The following EHBP1 variants were observed in gnomAD, a reference collection of about 807,000 sequenced individuals.
The protein encoded by EHBP1 is EH domain binding protein 1, also known as EH domain-binding protein 1.
In EHBP1, 55 loss-of-function variants were observed where a neutral mutation model predicts 144.0. That is an observed-to-expected ratio of 0.38 (90% CI 0.31 to 0.48). The LOEUF (loss-of-function observed/expected upper bound fraction) is 0.48, where lower values mean the gene tolerates loss of function less well. Ranked by LOEUF, EHBP1 falls within the 20% of genes least tolerant of loss-of-function variation. The pLI, the probability that EHBP1 is intolerant of heterozygous loss-of-function variation, is 0.98. For synonymous variants in EHBP1, 469 were observed against 472.7 expected, an observed-to-expected ratio of 0.99 and a Z score of 0.10; for missense variants, 1,200 against 1,364.2, an observed-to-expected ratio of 0.88 and a Z score of 1.90.
At chr2:63,019,460 C>G (rs988531883) in intron 19 of EHBP1, among the ~76,000 whole-genome samples, 2 of 152,156 alleles carry the variant, frequency 1.3e-5, no homozygotes, top group South Asian at 4.1e-4. Context: ...TCTGTAATCC[C>G]AGCACTGGGA....
intron 7 of EHBP1, among the ~76,000 whole-genome samples, chr2:62,840,121 G>A (rs367699228): frequency 7.3e-5 from 11 of 150,504 alleles, no homozygotes; most frequent in Non-Finnish European, 1.2e-4. Flanking sequence ...AAACAGCATG[G>A]TACTGGTACC....
chr2:62,724,968 A>G (rs962734031), intron 2 of EHBP1, among the ~76,000 whole-genome samples: 2 of 152,194 alleles, frequency 1.3e-5, no homozygotes, highest in African/African-American at 4.8e-5. Context: ...CTGGTGCCAT[A>G]AAGATTGGGG....
intron 19 of EHBP1, among the ~76,000 whole-genome samples, chr2:63,016,012 A>T (rs752510741): frequency 6.9e-4 from 105 of 152,174 alleles, no homozygotes; most frequent in Non-Finnish European, 1.4e-3. Context: ...AGCAAATAAA[A>T]TGATTACTAA....
At chr2:62,898,917 T>C (rs1207756918) in intron 10 of EHBP1, among the ~76,000 whole-genome samples, 3 of 152,192 alleles carry the variant, frequency 2.0e-5, no homozygotes, top group African/African-American at 7.2e-5. Flanking sequence ...TAGCTTCTAC[T>C]TCCATTGTTT....
intron 19 of EHBP1, among the ~76,000 whole-genome samples, chr2:63,033,489 T>A (rs2061341337): frequency 6.6e-6 from 1 of 152,180 alleles, no homozygotes; most frequent in Non-Finnish European, 1.5e-5. Flanking sequence ...TCTTTCCCAT[T>A]GAATTCGTCT....
intron 7 of EHBP1, among the ~76,000 whole-genome samples, chr2:62,857,154 C>T (rs2049126449): frequency 6.6e-6 from 1 of 152,194 alleles, no homozygotes; most frequent in Admixed American, 6.5e-5. Context: ...AGCAAGTCTT[C>T]TGATCCCCAC....
intron 19 of EHBP1, among the ~76,000 whole-genome samples, chr2:63,014,332 C>A (rs971216249): frequency 6.6e-6 from 1 of 152,116 alleles, no homozygotes; most frequent in South Asian, 2.1e-4. Context: ...TTCCATGTAG[C>A]CTTGATGCTA....
intron 10 of EHBP1, among the ~76,000 whole-genome samples, chr2:62,894,743 G>A (rs1433929605): frequency 2.0e-5 from 3 of 151,976 alleles, no homozygotes; most frequent in African/African-American, 7.3e-5. Context: ...GTACTGAATG[G>A]CACTATTAAA....
chr2:62,733,620 T>C (rs1224160622), intron 2 of EHBP1, among the ~76,000 whole-genome samples: 1 of 152,232 alleles, frequency 6.6e-6, no homozygotes, highest in Admixed American at 6.5e-5. Context: ...ATTTAGTTTC[T>C]AGTAAAATAG....
At chr2:62,922,857 A>G (rs866711829) in intron 10 of EHBP1, among the ~76,000 whole-genome samples, 2 of 152,164 alleles carry the variant, frequency 1.3e-5, no homozygotes, top group Admixed American at 6.5e-5. Flanking sequence ...TGTTGTGGGT[A>G]ACAGGTAAGC....
chr2:62,734,323 T>A (rs561715884), intron 2 of EHBP1, among the ~76,000 whole-genome samples: 2 of 151,950 alleles, frequency 1.3e-5, no homozygotes, highest in East Asian at 3.9e-4. Flanking sequence ...GGTTTCCTTT[T>A]TTAAAAAAAA....
chr2:63,033,333 G>A lies in EHBP1; in HGVS notation c.3104-4202G>A, dbSNP rs926294341. Among the ~76,000 whole-genome samples the A allele has an allele frequency of 2.0e-5, 3 of 152,148 alleles. No homozygotes were observed. In the South Asian group the frequency reaches 6.2e-4, roughly 32 times the overall value. Reference sequence around the variant, plus strand: ...GTTTGGTTTAGCTTTGCTATGTTCTGTCCTTTAAGGGCTATATGTGATTAC... The same window carrying A: ...GTTTGGTTTAGCTTTGCTATGTTCTATCCTTTAAGGGCTATATGTGATTAC... On this transcript the variant is annotated intron_variant, in intron 19 of 22. Transcript: ENST00000431489.
intron 19 of EHBP1, among the ~76,000 whole-genome samples, chr2:62,997,089 T>C (rs528777303): frequency 2.0e-5 from 3 of 152,134 alleles, no homozygotes; most frequent in South Asian, 4.2e-4. Flanking sequence ...TACTGATTCA[T>C]TGGGGAAAAA....
intron 16 of EHBP1, among the ~76,000 whole-genome samples, chr2:62,992,554 T>A (rs989634877): frequency 2.6e-5 from 4 of 152,112 alleles, no homozygotes; most frequent in African/African-American, 9.7e-5. Flanking sequence ...ACATATAGAG[T>A]CCATCTGTTC....
intron 13 of EHBP1, among the ~76,000 whole-genome samples, chr2:62,951,375 A>G (rs1574209881): frequency 6.6e-6 from 1 of 152,146 alleles, no homozygotes; most frequent in East Asian, 1.9e-4. Context: ...ATAAACCTCA[A>G]ATCAAAAGTC....
At chr2:62,773,418 T>C (rs1201262216) in intron 5 of EHBP1, among the ~76,000 whole-genome samples, 1 of 152,202 alleles carries the variant, frequency 6.6e-6, no homozygotes, top group Non-Finnish European at 1.5e-5. Context: ...GGAAAAGTTT[T>C]ATTTCATTCA....
chr2:62,769,795 TAA>T (rs70962794), intron 4 of EHBP1, among the ~76,000 whole-genome samples: 89 of 73,874 alleles, frequency 1.2e-3, no homozygotes, highest in African/African-American at 4.4e-3. Context: ...ATGGTACTGG[TAA>T]AAAAAAAAAA....
At chr2:62,736,290 G>A (rs1353387776) in intron 2 of EHBP1, among the ~76,000 whole-genome samples, 2 of 144,218 alleles carry the variant, frequency 1.4e-5, no homozygotes, top group African/African-American at 5.2e-5. Flanking sequence ...ACAGTGGTGC[G>A]TTCTTGGCTC....
At chr2:63,025,374 G>A (rs766797309) in intron 19 of EHBP1, among the ~76,000 whole-genome samples, 2 of 152,134 alleles carry the variant, frequency 1.3e-5, no homozygotes, top group South Asian at 2.1e-4. Flanking sequence ...CAATCCTCCC[G>A]CCTCAGGCTC....
Sources: gnomAD v4.1 joint callset for allele counts (sites outside exome capture counted in the v4.1 genomes callset) on GRCh38, gnomAD v4.1.1 for gene constraint, MANE v1.5 for transcripts, NCBI Gene and HGNC (gene_info 2026-07-23, HGNC 2026-07-21) for gene names.